FGF12: variants seen among roughly 807,000 people sequenced by gnomAD.
The protein encoded by FGF12 is fibroblast growth factor 12B.
Under a neutral mutation model 23.6 loss-of-function variants are expected in FGF12, and 14 were observed. That is an observed-to-expected ratio of 0.59 (90% CI 0.39 to 0.93). The LOEUF is 0.93. Among genes scored for constraint, FGF12 ranks in the 40% least tolerant of loss-of-function variants. FGF12 has a pLI of 0.00. For missense variants in FGF12, 175 were observed against 217.8 expected, an observed-to-expected ratio of 0.80 and a Z score of 1.24; for synonymous variants, 62 against 77.3, an observed-to-expected ratio of 0.80 and a Z score of 1.04.
chr3:192,252,427 C>T (rs1037306752), intron 4 of FGF12, among the ~76,000 whole-genome samples: 1 of 128,890 alleles, frequency 7.8e-6, no homozygotes, highest in Non-Finnish European at 1.6e-5. Context: ...CATGCCCCTG[C>T]ACTCCAGCCT....
chr3:192,554,926 G>A (rs1711699772), intron 2 of FGF12, among the ~76,000 whole-genome samples: 1 of 152,080 alleles, frequency 6.6e-6, no homozygotes, highest in East Asian at 1.9e-4. Flanking sequence ...CTGCATATTT[G>A]ATCTAGCTGA....
chr3:192,556,665 A>G (rs1711789274), intron 2 of FGF12, among the ~76,000 whole-genome samples: 1 of 152,188 alleles, frequency 6.6e-6, no homozygotes, highest in African/African-American at 2.4e-5. Context: ...TATTTATCAA[A>G]TGGACCTAAC....
At chr3:192,564,996 G>A (rs1390457822) in intron 2 of FGF12, among the ~76,000 whole-genome samples, 1 of 152,206 alleles carries the variant, frequency 6.6e-6, no homozygotes, top group Non-Finnish European at 1.5e-5. Context: ...ACTACTGTGT[G>A]TATTAAATGA....
At chr3:192,527,646 C>G (rs1724977365) in intron 2 of FGF12, among the ~76,000 whole-genome samples, 1 of 152,134 alleles carries the variant, frequency 6.6e-6, no homozygotes, top group South Asian at 2.1e-4. Context: ...TCCATTTAGA[C>G]TGAACTGTTA....
At chr3:192,158,332 C>CTT (rs1459698854) in intron 5 of FGF12, among the ~76,000 whole-genome samples, 6,961 of 111,952 alleles carry the variant, frequency 0.062, 312 homozygotes, top group East Asian at 0.12. Context: ...TTCTTTCTTT[C>CTT]TCTTTCTTTC....
chr3:192,329,885 G>C (rs1490482837), intron 4 of FGF12, among the ~76,000 whole-genome samples: 1 of 152,124 alleles, frequency 6.6e-6, no homozygotes, highest in Non-Finnish European at 1.5e-5. Context: ...ATCGAAAAAG[G>C]TGTTTCAGAA....
At chr3:192,651,115 G>A (rs551009656) in intron 2 of FGF12, among the ~76,000 whole-genome samples, 12 of 152,264 alleles carry the variant, frequency 7.9e-5, no homozygotes, top group African/African-American at 2.9e-4. Context: ...GTAAATTCAG[G>A]TGAATTTCCA....
chr3:192,711,961 AAT>A lies in FGF12; in HGVS notation c.13+15218_13+15219del, dbSNP rs1484895277. On this transcript the variant is annotated intron_variant, in intron 2 of 5. Coordinates refer to ENST00000445105, the MANE Select transcript of FGF12 (RefSeq NM_004113.6). ...CGATCAAAAAAAAAAAAAAAAAAAA[AAT>A]GTAAATCATAATTATTCTCAGCAAA... is the stretch of plus-strand genomic sequence containing the variant. Among the ~76,000 whole-genome samples the A allele has an allele frequency of 3.0e-4, 45 of 150,872 alleles. No homozygotes were observed. In the South Asian group the frequency reaches 6.5e-3, roughly 22 times the overall value.
At chr3:192,604,340 G>C (rs530565729) in intron 2 of FGF12, among the ~76,000 whole-genome samples, 3 of 152,328 alleles carry the variant, frequency 2.0e-5, no homozygotes, top group Admixed American at 6.5e-5. Context: ...ACAGGATTAA[G>C]AGATTAAAGT....
At chr3:192,520,456 A>G (rs897329675) in intron 2 of FGF12, among the ~76,000 whole-genome samples, 2 of 152,224 alleles carry the variant, frequency 1.3e-5, no homozygotes, top group African/African-American at 4.8e-5. Flanking sequence ...ACAAGAGTAC[A>G]GTATTTATGT....
At chr3:192,476,391 G>A (rs1723325054) in intron 2 of FGF12, among the ~76,000 whole-genome samples, 1 of 152,132 alleles carries the variant, frequency 6.6e-6, no homozygotes. Context: ...AATTGTTTGA[G>A]TCTAAAGCCT....
At chr3:192,675,678 G>T (rs1273068192) in intron 2 of FGF12, among the ~76,000 whole-genome samples, 2 of 151,996 alleles carry the variant, frequency 1.3e-5, no homozygotes, top group African/African-American at 4.8e-5. Context: ...ATACACAAAA[G>T]GTCACCTTAC....
intron 2 of FGF12, among the ~76,000 whole-genome samples, chr3:192,560,602 G>A (rs1054616995): frequency 6.6e-6 from 1 of 151,974 alleles, no homozygotes; most frequent in Non-Finnish European, 1.5e-5. Context: ...TTCTTGAAAA[G>A]CGTGAATTAA....
chr3:192,189,144 C>T (rs1716646881), intron 4 of FGF12, among the ~76,000 whole-genome samples: 1 of 152,202 alleles, frequency 6.6e-6, no homozygotes, highest in Non-Finnish European at 1.5e-5. Context: ...GCCTCGGTTT[C>T]ATGGTATCTC....
chr3:192,151,240 C>T (rs71312479), intron 5 of FGF12, among the ~76,000 whole-genome samples: 17,297 of 85,172 alleles, frequency 0.2, 3,384 homozygotes, highest in Middle Eastern at 0.25. Context: ...GTTTTCTAGA[C>T]ATACAATCAT....
At position 192,378,087 on chromosome 3, in the gene FGF12, T is replaced by A. The variant is rs868157586; in HGVS notation, c.14-17549A>T. ...CTTTCTTTCTTTCTTTCTTTCTTTC[T>A]TTCTTTCTTCTTTCTTTCCTTCTTT... On this transcript the variant is annotated intron_variant, in intron 2 of 5. Transcript: ENST00000445105. Among the ~76,000 whole-genome samples the A allele has an allele frequency of 1.5e-4, 19 of 123,496 alleles. 2 individuals carry two copies. The highest frequency in any genetic ancestry group is 2.6e-4 in the Non-Finnish European group (16 of 60,558). The allele number at this position is 123,496 out of a possible 152,430, so 81.0% of individuals were successfully genotyped here.
chr3:192,477,525 A>G (rs1289870958), intron 2 of FGF12, among the ~76,000 whole-genome samples: 3 of 152,254 alleles, frequency 2.0e-5, no homozygotes, highest in Admixed American at 2.0e-4. Flanking sequence ...TTACCAGTAT[A>G]AAGATACTTT....
chr3:192,379,421 T>TAAA (rs74271639), intron 2 of FGF12, among the ~76,000 whole-genome samples: 5 of 96,296 alleles, frequency 5.2e-5, no homozygotes, highest in African/African-American at 6.8e-5. Flanking sequence ...GAAACTGCTC[T>TAAA]AAAAAAAAAA....
intron 2 of FGF12, among the ~76,000 whole-genome samples, chr3:192,644,724 A>G (rs1350940757): frequency 1.3e-5 from 2 of 152,172 alleles, no homozygotes; most frequent in Non-Finnish European, 2.9e-5. Flanking sequence ...TCAGGATTTA[A>G]ACACAAGTCT....
Sources: gnomAD v4.1 joint callset for allele counts (sites outside exome capture counted in the v4.1 genomes callset) on GRCh38, gnomAD v4.1.1 for gene constraint, MANE v1.5 for transcripts, NCBI Gene and HGNC (gene_info 2026-07-23, HGNC 2026-07-21) for gene names.